Variants in THSD7B observed in about 807,000 individuals in gnomAD.
The protein encoded by THSD7B is thrombospondin type-1 domain-containing protein 7B.
In THSD7B, 138 loss-of-function variants were observed where a neutral mutation model predicts 213.6. The observed-to-expected ratio is 0.65, with a 90% confidence interval of 0.56 to 0.74. THSD7B has a LOEUF of 0.74. Among genes scored for constraint, THSD7B ranks in the 30% least tolerant of loss-of-function variants. The pLI, the probability that THSD7B is intolerant of heterozygous loss-of-function variation, is 0.00. For missense variants in THSD7B, 1,931 were observed against 1,991.5 expected (o/e 0.97, Z 0.58); for synonymous variants, 742 against 687.0 (o/e 1.08, Z -1.25).
At position 137,282,111 on chromosome 2, in the gene THSD7B, T is replaced by A. The variant is rs562468608; in HGVS notation, c.2500+6085T>A. On this transcript the variant is annotated intron_variant, in intron 12 of 27. Coordinates refer to ENST00000409968, the MANE Select transcript of THSD7B (RefSeq NM_001316349.2). ...GATCGCCATTCTAACTGGTGTGAGA[T>A]GGTATCTCATTGTGGTTTTGATTTG... Among the ~76,000 whole-genome samples, 5 of 152,186 alleles carry A rather than the reference T, an allele frequency of 3.3e-5. No individual in the cohort carries two copies. The East Asian group carries it at 5.8e-4, about 18-fold the overall frequency.
At chr2:137,107,953 A>G (rs576642730) in intron 4 of THSD7B, among the ~76,000 whole-genome samples, 2 of 152,348 alleles carry the variant, frequency 1.3e-5, no homozygotes, top group South Asian at 2.1e-4. Flanking sequence ...TCAGCAAAAA[A>G]TGACAAGTTA....
At chr2:137,483,974 T>C (rs1688365159) in intron 15 of THSD7B, among the ~76,000 whole-genome samples, 1 of 152,156 alleles carries the variant, frequency 6.6e-6, no homozygotes, top group Non-Finnish European at 1.5e-5. Flanking sequence ...GGCTGGACAT[T>C]ATGCGATTCG....
At chr2:136,826,023 T>G (rs1033337591) in intron 1 of THSD7B, among the ~76,000 whole-genome samples, 3 of 152,160 alleles carry the variant, frequency 2.0e-5, no homozygotes, top group Non-Finnish European at 4.4e-5. Flanking sequence ...TGTAGGCATC[T>G]TATGGGAGGG....
At chr2:137,077,910 T>C (rs1266560476) in intron 3 of THSD7B, among the ~76,000 whole-genome samples, 1 of 152,212 alleles carries the variant, frequency 6.6e-6, no homozygotes, top group African/African-American at 2.4e-5. Context: ...CATGCCTATG[T>C]CCTGAATGGT....
chr2:137,436,361 G>A (rs1490654514), intron 14 of THSD7B, among the ~76,000 whole-genome samples: 1 of 152,076 alleles, frequency 6.6e-6, no homozygotes, highest in African/African-American at 2.4e-5. Context: ...TTACAGATAA[G>A]GAAATCAAGG....
chr2:137,161,688 T>C lies in THSD7B; in HGVS notation c.1525+1320T>C, dbSNP rs888760887. Among the ~76,000 whole-genome samples the C allele has an allele frequency of 2.0e-5, 3 of 152,162 alleles. No homozygotes were observed. In the East Asian group the frequency reaches 5.8e-4, roughly 29 times the overall value. ...GCCTGGAGAGGGCCTTGGGCAATTC[T>C]CTTATTTGACATGTAACCAGAATGT... is the stretch of plus-strand genomic sequence containing the variant. On this transcript the variant is annotated intron_variant, in intron 6 of 27. Coordinates refer to ENST00000409968, the MANE Select transcript of THSD7B (RefSeq NM_001316349.2).
chr2:137,283,874 T>C (rs1329138698), intron 12 of THSD7B, among the ~76,000 whole-genome samples: 1 of 152,152 alleles, frequency 6.6e-6, no homozygotes, highest in Non-Finnish European at 1.5e-5. Context: ...TTTGGTTGTA[T>C]CTCTTCCCAG....
chr2:137,007,649 A>G (rs927793817), intron 2 of THSD7B, among the ~76,000 whole-genome samples: 1 of 152,164 alleles, frequency 6.6e-6, no homozygotes, highest in African/African-American at 2.4e-5. Context: ...AAGGTACAAC[A>G]CAATGAGATA....
intron 7 of THSD7B, among the ~76,000 whole-genome samples, chr2:137,186,860 G>A (rs112558778): frequency 0.023 from 3,495 of 151,874 alleles, 135 homozygotes; most frequent in African/African-American, 0.08. Context: ...TTTTCCATTT[G>A]TTTCTGTCAT....
chr2:137,516,269 CA>C (rs1573678702), intron 15 of THSD7B, among the ~76,000 whole-genome samples: 1 of 152,150 alleles, frequency 6.6e-6, no homozygotes, highest in Admixed American at 6.5e-5. Flanking sequence ...ACTTGCAGGT[CA>C]AAAGACTAAT....
At chr2:136,963,584 C>T (rs1290710683) in intron 2 of THSD7B, among the ~76,000 whole-genome samples, 1 of 152,192 alleles carries the variant, frequency 6.6e-6, no homozygotes, top group Non-Finnish European at 1.5e-5. Context: ...TTCAAGGTTA[C>T]AGTGAGCCAT....
chr2:136,883,232 A>G (rs926511853), intron 2 of THSD7B, among the ~76,000 whole-genome samples: 24 of 152,246 alleles, frequency 1.6e-4, no homozygotes, highest in African/African-American at 5.8e-4. Context: ...TAAATTAAAT[A>G]GACTTCAAAT....
intron 20 of THSD7B, among the ~76,000 whole-genome samples, chr2:137,640,457 AT>A: frequency 6.6e-6 from 1 of 152,342 alleles, no homozygotes; most frequent in Non-Finnish European, 1.5e-5. Flanking sequence ...TATATCTCCT[AT>A]AAAAGACTTA....
At chr2:137,589,285 T>A (rs1371318797) in intron 17 of THSD7B, among the ~76,000 whole-genome samples, 1 of 152,142 alleles carries the variant, frequency 6.6e-6, no homozygotes, top group Admixed American at 6.5e-5. Context: ...TTAGAAAAAA[T>A]TTTACCTAAT....
At chr2:136,978,002 T>C (rs1346046373) in intron 2 of THSD7B, among the ~76,000 whole-genome samples, 6 of 152,094 alleles carry the variant, frequency 3.9e-5, no homozygotes, top group Non-Finnish European at 7.3e-5. Flanking sequence ...TTTCACAATG[T>C]TGGCCAGGCT....
chr2:137,483,805 A>G (rs1248651710), intron 15 of THSD7B, among the ~76,000 whole-genome samples: 9 of 152,118 alleles, frequency 5.9e-5, no homozygotes, highest in Admixed American at 5.9e-4. Flanking sequence ...GTTGTCAGGT[A>G]TGACTGGTTA....
intron 12 of THSD7B, among the ~76,000 whole-genome samples, chr2:137,386,201 A>G (rs1685889537): frequency 6.6e-6 from 1 of 152,192 alleles, no homozygotes; most frequent in South Asian, 2.1e-4. Context: ...CATTCCTTCC[A>G]GAAAGGCTCC....
rs780263987 is a variant in THSD7B, at chr2:137,553,847, G to A, written c.3139-9374G>A. Among the ~76,000 whole-genome samples the A allele has an allele frequency of 5.9e-5, 9 of 152,200 alleles. No individual in the cohort carries two copies. The South Asian group carries it at 1.7e-3, about 28-fold the overall frequency. On this transcript the variant is annotated intron_variant, in intron 15 of 27. Transcript: ENST00000409968. Reference sequence around the variant, plus strand: ...CCAACTAAACAGCAACGTAAAATAGGCAGAGCATAAAAGACTGACATGAGA... The same window carrying A: ...CCAACTAAACAGCAACGTAAAATAGACAGAGCATAAAAGACTGACATGAGA...
chr2:137,566,761 G>C (rs1264787276), intron 16 of THSD7B, among the ~76,000 whole-genome samples: 1 of 151,520 alleles, frequency 6.6e-6, no homozygotes, highest in Non-Finnish European at 1.5e-5. Flanking sequence ...GAGATAATCT[G>C]ATGATTATAA....
Sources: allele counts gnomAD v4.1 joint callset (sites outside exome capture counted in the v4.1 genomes callset), GRCh38; gene constraint gnomAD v4.1.1; transcripts MANE v1.5; gene names NCBI Gene and HGNC (gene_info 2026-07-23, HGNC 2026-07-21).